TEKT1: variants seen among roughly 807,000 people sequenced by gnomAD.
TEKT1 encodes tektin-1.
A neutral mutation model predicts 34.8 loss-of-function variants in TEKT1; 32 were observed. The observed-to-expected ratio is 0.92, with a 90% CI of 0.69 to 1.23. The LOEUF is 1.23. Among genes scored for constraint, TEKT1 ranks in the 50% most tolerant of loss-of-function variants. TEKT1 has a pLI of 0.00. For synonymous variants in TEKT1, 207 were observed against 199.8 expected (o/e 1.04, Z -0.30); for missense variants, 492 against 518.5 (o/e 0.95, Z 0.50).
chr17:6,808,443 G>A lies in TEKT1; in HGVS notation c.852+4388C>T, dbSNP rs571612649. On this transcript the variant is annotated intron_variant, in intron 6 of 7. Transcript: ENST00000338694. Reference sequence around the variant, plus strand: ...GTGAGGCAATGCCTCACCGTGCTTCGGCTTATGCTTGGTGCGCTGCACCCA... The same window carrying A: ...GTGAGGCAATGCCTCACCGTGCTTCAGCTTATGCTTGGTGCGCTGCACCCA... 5.9e-5 allele frequency among the ~76,000 whole-genome samples: 9 copies of A among 152,142 alleles called. No homozygotes were observed. The South Asian group carries it at 1.5e-3, about 25-fold the overall frequency.
Position 6,830,340 on chromosome 17 carries a change from G to A in TEKT1, c.37C>T (p.Pro13Ser). The A allele has an allele frequency of 6.2e-7, 1 of 1,601,700 alleles. No individual in the cohort carries two copies. Among genetic ancestry groups the A allele is most frequent in the Non-Finnish European group, 8.5e-7 (1 of 1,177,464 alleles). ...TTGTTAGCAATGTGCCACTCTGAGG[G>A]CAGGAACTTGGGTGGAGGTTGTAAT... ...KLLQPPPKFLPSEWHIANKNQ... is the reference protein window; with the variant it reads ...KLLQPPPKFLSSEWHIANKNQ... Residue 13 changes from proline to serine, a missense_variant, in exon 2 of 8, where the codon CCC (proline) becomes TCC (serine). By Grantham distance (74) the Pro-to-Ser change is moderately conservative (BLOSUM62 -1). Coordinates refer to ENST00000338694, the MANE Select transcript of TEKT1 (RefSeq NM_053285.2).
rs1976736247 is a variant in TEKT1 at position 6,799,473 on chromosome 17, T to C, written c.*554A>G. 6.6e-6 allele frequency: 1 copy of C among 152,466 alleles called. No individual in the cohort carries two copies. The highest frequency in any genetic ancestry group is 1.5e-5 in the Non-Finnish European group (1 of 68,276). The allele number at this position is 152,466 out of a possible 1,614,324, so 9.4% of individuals were successfully genotyped here. A position where few individuals can be genotyped will look rare whatever the true frequency, so the allele number is the denominator to read the frequency against. ...GAGGTGATCTCATTCAACGCCCCTA[T>C]AGCCCTGTGAGTGGGGACTATTGGA... is the stretch of plus-strand genomic sequence containing the variant. On this transcript the variant is annotated 3_prime_UTR_variant, in exon 8 of 8. Coordinates refer to ENST00000338694, the MANE Select transcript of TEKT1 (RefSeq NM_053285.2).
chr17:6,828,922 G>A (rs1158978994), intron 2 of TEKT1, among the ~76,000 whole-genome samples: 8 of 152,096 alleles, frequency 5.3e-5, no homozygotes, highest in African/African-American at 1.7e-4. Flanking sequence ...AGGCTGAGGC[G>A]GGCGGACCAC....
At chr17:6,807,657 C>G (rs1486747427) in intron 6 of TEKT1, among the ~76,000 whole-genome samples, 3 of 152,122 alleles carry the variant, frequency 2.0e-5, no homozygotes, top group Non-Finnish European at 4.4e-5. Context: ...GTGTGGATGT[C>G]CTTTCTGTTT....
chr17:6,804,814 C>G (rs1340373221), intron 6 of TEKT1, among the ~76,000 whole-genome samples: 1 of 152,196 alleles, frequency 6.6e-6, no homozygotes, highest in African/African-American at 2.4e-5. Context: ...ATGAAGCCCA[C>G]TTGATCATGG....
chr17:6,800,641 G>A, intron 7 of TEKT1, 106 bp downstream of exon 7: 1 of 1,354,164 alleles, frequency 7.4e-7, no homozygotes, highest in Non-Finnish European at 1.0e-6. Context: ...AAGCATTCCA[G>A]AGCAGGCTGG....
chr17:6,822,353 T>C (rs1269776002), intron 2 of TEKT1, among the ~76,000 whole-genome samples: 2 of 152,144 alleles, frequency 1.3e-5, no homozygotes, highest in African/African-American at 4.8e-5. Flanking sequence ...CCAAGGCTGG[T>C]CTCAAACTCC....
At chr17:6,802,335 T>A (rs1976785209) in intron 6 of TEKT1, among the ~76,000 whole-genome samples, 1 of 152,204 alleles carries the variant, frequency 6.6e-6, no homozygotes, top group Admixed American at 6.5e-5. Flanking sequence ...TAATAATTGC[T>A]CCTACTTCAA....
In TEKT1 at chr17:6,800,090, T is replaced by G; in HGVS notation, c.1194A>C (p.Pro398=). The G allele has an allele frequency of 6.2e-7, 1 of 1,613,620 alleles. No individual in the cohort carries two copies. Among genetic ancestry groups the G allele is most frequent in the Non-Finnish European group, 8.5e-7 (1 of 1,179,994 alleles). Residue 398 remains proline (P), a synonymous_variant, in exon 8 of 8, where the codon CCA becomes CCC. Transcript: ENST00000338694. ...CCCCATGGTCTTCCCCATCCCGAAG[T>G]GGGATGGATTTCCTCATCTGCATAC... ...VLCMQMRKSI[P]LRDGEDHGVW...
At chr17:6,805,890 T>C (rs1175281361) in intron 6 of TEKT1, among the ~76,000 whole-genome samples, 3 of 152,222 alleles carry the variant, frequency 2.0e-5, no homozygotes, top group African/African-American at 7.2e-5. Context: ...CTTCCAACTT[T>C]GTGGTCAATT....
chr17:6,828,978 C>T (rs1904487287), intron 2 of TEKT1, among the ~76,000 whole-genome samples: 1 of 151,900 alleles, frequency 6.6e-6, no homozygotes, highest in Admixed American at 6.6e-5. Context: ...TGATGAAACC[C>T]CGTCTCTACC....
intron 6 of TEKT1, among the ~76,000 whole-genome samples, chr17:6,808,504 G>A (rs1976881154): frequency 6.6e-6 from 1 of 152,166 alleles, no homozygotes; most frequent in African/African-American, 2.4e-5. Flanking sequence ...TCCCCAGTGA[G>A]ATGAACCTGG....
intron 6 of TEKT1, among the ~76,000 whole-genome samples, chr17:6,806,644 C>T (rs1976848623): frequency 6.6e-6 from 1 of 152,172 alleles, no homozygotes; most frequent in South Asian, 2.1e-4. Context: ...CCTTCAGGAG[C>T]TCTTGCAAGG....
chr17:6,808,969 T>C (rs577397079), intron 6 of TEKT1, among the ~76,000 whole-genome samples: 7 of 152,198 alleles, frequency 4.6e-5, no homozygotes, highest in Non-Finnish European at 1.0e-4. Context: ...TTGTACAGAC[T>C]GTGAAATAAG....
intron 6 of TEKT1, among the ~76,000 whole-genome samples, chr17:6,809,656 C>T (rs1436088578): frequency 6.6e-6 from 1 of 152,178 alleles, no homozygotes; most frequent in Non-Finnish European, 1.5e-5. Flanking sequence ...CTTCTTCCAC[C>T]CACCCAAACC....
intron 6 of TEKT1, among the ~76,000 whole-genome samples, chr17:6,806,628 G>C (rs986158392): frequency 1.3e-5 from 2 of 152,126 alleles, no homozygotes; most frequent in South Asian, 2.1e-4. Flanking sequence ...TCCATGTTTA[G>C]TGCTTCCTTC....
At chr17:6,824,409 T>C (rs1482274253) in intron 2 of TEKT1, among the ~76,000 whole-genome samples, 1 of 152,176 alleles carries the variant, frequency 6.6e-6, no homozygotes, top group African/African-American at 2.4e-5. Context: ...CTCATCTTCA[T>C]CATGCTGCTC....
chr17:6,824,982 T>C (rs1366946153), intron 2 of TEKT1, among the ~76,000 whole-genome samples: 1 of 152,016 alleles, frequency 6.6e-6, no homozygotes, highest in East Asian at 1.9e-4. Flanking sequence ...AAGAAAATAG[T>C]GATAAAATTT....
At chr17:6,813,223 C>T (rs572592052) in intron 5 of TEKT1, among the ~76,000 whole-genome samples, 170 bp from the exon 6 acceptor site, 2 of 152,234 alleles carry the variant, frequency 1.3e-5, no homozygotes, top group Admixed American at 6.5e-5. Context: ...CTTTGGGCAA[C>T]CTCCCTACTC....
Sources: gnomAD v4.1 joint callset for allele counts (sites outside exome capture counted in the v4.1 genomes callset) on GRCh38, gnomAD v4.1.1 for gene constraint, MANE v1.5 for transcripts, NCBI Gene and HGNC (gene_info 2026-07-23, HGNC 2026-07-21) for gene names.